Variants in WDPCP observed in about 807,000 individuals in gnomAD.
WDPCP encodes the protein WD repeat containing planar cell polarity effector.
WDPCP carries 71 observed loss-of-function variants against 93.1 expected under a neutral mutation model. The observed-to-expected ratio is 0.76, with a 90% CI of 0.63 to 0.93. The LOEUF (loss-of-function observed/expected upper bound fraction) is 0.93, where lower values mean the gene tolerates loss of function less well. Ranked by LOEUF, WDPCP falls within the 40% of genes least tolerant of loss-of-function variation. WDPCP has a pLI of 0.00. For missense variants in WDPCP, 844 were observed against 887.4 expected, an observed-to-expected ratio of 0.95 and a Z score of 0.62; for synonymous variants, 315 against 315.0, an observed-to-expected ratio of 1.00 and a Z score of 0.00.
chr2:63,725,793 G>T (rs926548703), intron 2 of WDPCP, among the ~76,000 whole-genome samples: 2 of 152,166 alleles, frequency 1.3e-5, no homozygotes, highest in African/African-American at 4.8e-5. Context: ...TTTCTCTGAT[G>T]ATTGGTGATG....
intron 14 of WDPCP, among the ~76,000 whole-genome samples, chr2:63,187,867 C>G (rs531244616): frequency 6.6e-6 from 1 of 152,272 alleles, no homozygotes; most frequent in East Asian, 1.9e-4. Flanking sequence ...TTGAGGAACT[C>G]TCCTTAGTAT....
chr2:63,199,164 T>G (rs1030945367), intron 14 of WDPCP, among the ~76,000 whole-genome samples: 2 of 152,062 alleles, frequency 1.3e-5, no homozygotes, highest in Non-Finnish European at 2.9e-5. Flanking sequence ...TATGAGTGAG[T>G]AGAGATGATC....
At chr2:63,512,315 C>G (rs1349549187) in intron 1 of WDPCP, among the ~76,000 whole-genome samples, 2 of 152,074 alleles carry the variant, frequency 1.3e-5, no homozygotes, top group Non-Finnish European at 2.9e-5. Context: ...AGTTCAGTCA[C>G]TGTGTCAGAC....
chr2:63,415,119 T>C (rs1252185335), intron 9 of WDPCP, among the ~76,000 whole-genome samples: 2 of 152,196 alleles, frequency 1.3e-5, no homozygotes, highest in Non-Finnish European at 2.9e-5. Context: ...CCCAGTGCTT[T>C]GTAATGCCAA....
At chr2:63,826,814 C>CA (rs751371455) in intron 1 of WDPCP, among the ~76,000 whole-genome samples, 12 of 152,110 alleles carry the variant, frequency 7.9e-5, no homozygotes, top group Non-Finnish European at 1.5e-4. Context: ...TCCGTACTAA[C>CA]AAATATATCA....
chr2:63,257,451 GAATC>G (rs1173101727), intron 14 of WDPCP, among the ~76,000 whole-genome samples: 1 of 152,146 alleles, frequency 6.6e-6, no homozygotes. Flanking sequence ...TTATGAGTGA[GAATC>G]ACCCAGTTTT....
At chr2:63,609,433 A>G (rs1286744684) in intron 3 of WDPCP, among the ~76,000 whole-genome samples, 1 of 152,210 alleles carries the variant, frequency 6.6e-6, no homozygotes, top group Non-Finnish European at 1.5e-5. Flanking sequence ...ACTGGATGGC[A>G]GAAGAGAAAG....
intron 9 of WDPCP, among the ~76,000 whole-genome samples, chr2:63,424,486 G>A (rs956707288): frequency 2.0e-5 from 3 of 152,136 alleles, no homozygotes; most frequent in African/African-American, 7.2e-5. Flanking sequence ...GCAAGAGTGT[G>A]TACATAGCAC....
At chr2:63,225,314 T>C (rs534117984) in intron 14 of WDPCP, among the ~76,000 whole-genome samples, 1 of 151,800 alleles carries the variant, frequency 6.6e-6, no homozygotes, top group Admixed American at 6.6e-5. Context: ...AAAAGAAACT[T>C]TGTGAATCAT....
At chr2:63,461,230 C>T (rs1012312243) in intron 6 of WDPCP, among the ~76,000 whole-genome samples, 1 of 151,852 alleles carries the variant, frequency 6.6e-6, no homozygotes, top group Non-Finnish European at 1.5e-5. Flanking sequence ...ATGTAATCCC[C>T]AGTGTTGGAG....
At chr2:63,752,430 C>T in intron 2 of WDPCP, 1 of 764,010 alleles carries the variant, frequency 1.3e-6, no homozygotes. Flanking sequence ...TTCGTGGCTG[C>T]ATCCACCTCC....
At chr2:63,405,985 G>T (rs1462532127) in intron 9 of WDPCP, among the ~76,000 whole-genome samples, 2 of 152,136 alleles carry the variant, frequency 1.3e-5, no homozygotes, top group Non-Finnish European at 2.9e-5. Context: ...ACAGTGTATT[G>T]CAGTAATGTA....
At chr2:63,657,344 A>G (rs1710180513) in intron 2 of WDPCP, among the ~76,000 whole-genome samples, 1 of 151,424 alleles carries the variant, frequency 6.6e-6, no homozygotes, top group African/African-American at 2.4e-5. Flanking sequence ...AGCTGGGACT[A>G]CAGGCACCCG....
intron 1 of WDPCP, chr2:63,571,628 T>G (rs1707510878): frequency 4.2e-6 from 2 of 471,058 alleles, no homozygotes; most frequent in African/African-American, 4.0e-5. Context: ...CATGGTTTTC[T>G]GTAAAAGGAT....
At chr2:63,346,969 AAT>A (rs1415809096) in intron 12 of WDPCP, among the ~76,000 whole-genome samples, 1 of 152,194 alleles carries the variant, frequency 6.6e-6, no homozygotes, top group East Asian at 1.9e-4. Context: ...TGTCCAGTTT[AAT>A]AATTGTCTAT....
intron 6 of WDPCP, among the ~76,000 whole-genome samples, chr2:63,480,669 A>C (rs1700215121): frequency 6.6e-6 from 1 of 152,170 alleles, no homozygotes. Context: ...GTGCTGGGAT[A>C]ATTGGCAAGC....
intron 15 of WDPCP, among the ~76,000 whole-genome samples, chr2:63,165,126 A>G (rs1437276859): frequency 1.3e-5 from 2 of 152,172 alleles, no homozygotes; most frequent in East Asian, 3.8e-4. Flanking sequence ...ATCTTTTAAG[A>G]TATGTGACAC....
chr2:63,429,657 A>C (rs976162980), intron 9 of WDPCP, among the ~76,000 whole-genome samples: 4 of 152,176 alleles, frequency 2.6e-5, no homozygotes, highest in African/African-American at 9.7e-5. Context: ...CACCAGTCAG[A>C]ATGGCTTTTG....
chr2:63,414,826 G>A (rs975416481), intron 9 of WDPCP, among the ~76,000 whole-genome samples: 1 of 152,098 alleles, frequency 6.6e-6, no homozygotes, highest in Non-Finnish European at 1.5e-5. Context: ...CATCACTAAA[G>A]AACTTACTCA....
Sources: gnomAD v4.1 joint callset for allele counts (sites outside exome capture counted in the v4.1 genomes callset) on GRCh38, gnomAD v4.1.1 for gene constraint, MANE v1.5 for transcripts, NCBI Gene and HGNC (gene_info 2026-07-23, HGNC 2026-07-21) for gene names.